The following ALDH4A1 variants were observed in gnomAD, a reference collection of about 807,000 sequenced individuals.
The protein encoded by ALDH4A1 is aldehyde dehydrogenase 4 family member A1.
ALDH4A1 carries 46 observed loss-of-function variants against 70.5 expected under a neutral mutation model. The observed-to-expected ratio is 0.65, with a 90% CI of 0.51 to 0.83. The LOEUF (loss-of-function observed/expected upper bound fraction) is 0.83. Among genes scored for constraint, ALDH4A1 ranks in the 40% least tolerant of loss-of-function variants. The pLI is 0.00. For synonymous variants in ALDH4A1, 323 were observed against 324.3 expected (o/e 1.00, Z 0.04); for missense variants, 749 against 766.5 (o/e 0.98, Z 0.27).
chr1:18,871,752 T>C lies in ALDH4A1; in HGVS notation c.*1093A>G, dbSNP rs1934446602. On this transcript the variant is annotated 3_prime_UTR_variant, in exon 15 of 15. Transcript: ENST00000375341. Reference sequence around the variant, plus strand: ...AGAACCATCCTTGAAAGTCATGCTTTACAGATCTCTGACCACTCAGAATCC... The same window carrying C: ...AGAACCATCCTTGAAAGTCATGCTTCACAGATCTCTGACCACTCAGAATCC... 2 of 152,212 alleles carry C rather than the reference T, an allele frequency of 1.3e-5. No homozygotes were observed. Among genetic ancestry groups the C allele is most frequent in the Admixed American group, 1.3e-4 (2 of 15,278 alleles). 9.4% of individuals were successfully genotyped at this position (152,212 alleles called of 1,614,324 possible). A position where few individuals can be genotyped will look rare whatever the true frequency, so the allele number is the denominator to read the frequency against.
At chr1:18,886,333 C>A in intron 4 of ALDH4A1, 131 bp downstream of exon 4, 1 of 1,021,206 alleles carries the variant, frequency 9.8e-7, no homozygotes, top group South Asian at 1.3e-5. Flanking sequence ...CACCCCCTGC[C>A]CACCTACCCA....
chr1:18,896,962 C>T (rs188629454), intron 1 of ALDH4A1: 1 of 438,670 alleles, frequency 2.3e-6, no homozygotes, highest in Admixed American at 2.4e-5. Flanking sequence ...CAGCAAACAT[C>T]AGGCAACATT....
intron 1 of ALDH4A1, among the ~76,000 whole-genome samples, chr1:18,892,582 C>A (rs868443931): frequency 2.1e-4 from 31 of 150,704 alleles, no homozygotes; most frequent in Non-Finnish European, 3.8e-4. Flanking sequence ...GAGGGGCCTG[C>A]GTGGTAGAGG....
Position 18,883,152 on chromosome 1 carries a change from C to A in ALDH4A1, c.650G>T (p.Gly217Val), listed in dbSNP as rs1444568269. Residue 217 changes from glycine to valine, a missense_variant, in exon 7 of 15, where the codon GGC (glycine) becomes GTC (valine). By Grantham distance (109) the Gly-to-Val change is moderately radical. Transcript: ENST00000375341. ...CAGGGCCGGTGCCCCCGCCAGGTTG[C>A]CGCCGATTGCAGTGAAGTTAAAGGG... is the stretch of plus-strand genomic sequence containing the variant. ...ISPFNFTAIGGNLAGAPALMG... is the reference protein window; with the variant it reads ...ISPFNFTAIGVNLAGAPALMG... 1 of 1,613,054 alleles carries A rather than the reference C, an allele frequency of 6.2e-7. No homozygotes were observed. Among genetic ancestry groups the A allele is most frequent in the Non-Finnish European group, 8.5e-7 (1 of 1,180,054 alleles).
chr1:18,885,427 T>TACCACCCCCCCCCCCCCCCCCC, intron 5 of ALDH4A1, 46 bp downstream of exon 5: 2 of 650,918 alleles, frequency 3.1e-6, no homozygotes, highest in Non-Finnish European at 5.4e-6. Context: ...CACACCTGAC[T>TACCACCCCCCCCCCCCCCCCCC]CCCACCCCAC....
In ALDH4A1 at chr1:18,881,838, T is replaced by G. The variant is rs1454017644; in HGVS notation, c.728A>C (p.Tyr243Ser). ...KPSDTAMLAS[Y>S]AVYRILREAG... Reference sequence around the variant, plus strand: ...CTCCCGAAGGATGCGGTAGACAGCATAGCTGGCCAGCATGGCAGTGTCACT... The same window carrying G: ...CTCCCGAAGGATGCGGTAGACAGCAGAGCTGGCCAGCATGGCAGTGTCACT... The change falls in exon 8 of 15, where the codon TAT becomes TCT. Residue 243 changes from tyrosine to serine, a missense_variant. By Grantham distance (144) the Tyr-to-Ser change is moderately radical. Transcript: ENST00000375341. 3 of 1,613,726 alleles carry G rather than the reference T, an allele frequency of 1.9e-6. No individual in the cohort carries two copies. Among genetic ancestry groups the G allele is most frequent in the Non-Finnish European group, 2.5e-6 (3 of 1,180,026 alleles).
At chr1:18,900,916 C>T (rs28501481) in intron 1 of ALDH4A1, 29,859 of 981,040 alleles carry the variant, frequency 0.03, 539 homozygotes, top group Middle Eastern at 0.061. Context: ...GCTTGATAAT[C>T]ATTATTGTTA....
Position 18,877,620 on chromosome 1 carries a change from G to T in ALDH4A1, c.941-8C>A. On this transcript the variant is annotated splice_polypyrimidine_tract_variant and splice_region_variant and intron_variant, in intron 9 of 14. Transcript: ENST00000375341. ...AGTTCTTTCCGCCGCACTCTACAGG[G>T]GTCGGGGGTGGGGAAATGACCAGAG... The T allele has an allele frequency of 1.4e-6, 1 of 721,506 alleles. No individual in the cohort carries two copies. The allele number at this position is 721,506 out of a possible 1,614,324, so 44.7% of individuals were successfully genotyped here.
rs146767266 is a variant in ALDH4A1, at chr1:18,877,476, C to A, written c.1077G>T (p.Ser359=). The change falls in exon 10 of 15, where the codon TCG becomes TCT. Residue 359 remains serine (S), a synonymous_variant. Coordinates refer to ENST00000375341, the MANE Select transcript of ALDH4A1 (RefSeq NM_003748.4). ...GCCGCCCTTTGATCTGCGGCCACAG[C>A]GAGTGCGGCACGTAGAGACGCGAGC... The part of the protein sequence containing the change: ...SACSRLYVPH[S]LWPQIKGRLL... 1 of 1,598,054 alleles carries A rather than the reference C, an allele frequency of 6.3e-7. No individual in the cohort carries two copies. Among genetic ancestry groups the A allele is most frequent in the Non-Finnish European group, 8.5e-7 (1 of 1,172,454 alleles).
chr1:18,885,430 CACCCCA>C, intron 5 of ALDH4A1, 37 bp downstream of exon 5: 1 of 578,342 alleles, frequency 1.7e-6, no homozygotes, highest in East Asian at 3.5e-5. Flanking sequence ...ACCTGACTCC[CACCCCA>C]CCCCGCCCCA....
In ALDH4A1 at chr1:18,874,277, A is replaced by T. The variant is rs117925591; in HGVS notation, c.1579+186T>A. On this transcript the variant is annotated intron_variant, in intron 14 of 14. Coordinates refer to ENST00000375341, the MANE Select transcript of ALDH4A1 (RefSeq NM_003748.4). ...TGAGCCTCAGTTTCCTCCTCTGTAA[A>T]ATGGGAAGAATAGTCCCTTTGCTCA... Among the ~76,000 whole-genome samples the T allele has an allele frequency of 2.0e-5, 3 of 152,342 alleles. No homozygotes were observed. In the East Asian group the frequency reaches 5.8e-4, roughly 29 times the overall value.
intron 7 of ALDH4A1, 82 bp downstream of exon 7, chr1:18,883,042 G>A (rs1217699225): frequency 6.3e-7 from 1 of 1,580,684 alleles, no homozygotes; most frequent in Admixed American, 1.7e-5. Context: ...TGAGACCCAA[G>A]GGGCTCAGGG....
At chr1:18,900,307 G>A (rs1302212924) in intron 1 of ALDH4A1, among the ~76,000 whole-genome samples, 1 of 152,236 alleles carries the variant, frequency 6.6e-6, no homozygotes, top group Admixed American at 6.5e-5. Flanking sequence ...ACTGAGGGAT[G>A]TCACTGAAAA....
At chr1:18,883,584 AG>A (rs1167424689) in intron 5 of ALDH4A1, among the ~76,000 whole-genome samples, 156 bp from the exon 6 acceptor site, 1 of 152,122 alleles carries the variant, frequency 6.6e-6, no homozygotes, top group Non-Finnish European at 1.5e-5. Flanking sequence ...CCAGGGGCTG[AG>A]GGGGAAAGGA....
At position 18,875,465 on chromosome 1, in the gene ALDH4A1, C is replaced by T. The variant is rs146222625; in HGVS notation, c.1377G>A (p.Pro459=). Residue 459 remains proline (P), a synonymous_variant, in exon 13 of 15, where the codon CCG becomes CCA. Transcript: ENST00000375341. The part of the protein sequence containing the change: ...FGPVLSVYVY[P]DDKYKETLQL... ...GCAGCGTCTCCTTGTACTTGTCATC[C>T]GGGTAGACGTACACAGACAGTACAG... 18 of 1,614,016 alleles carry T rather than the reference C, an allele frequency of 1.1e-5. No individual in the cohort carries two copies. The highest frequency in any genetic ancestry group is 3.3e-5 in the South Asian group (3 of 91,086).
rs572505352 is a variant in ALDH4A1 at position 18,883,157 on chromosome 1, G to A, written c.645C>T (p.Ile215=). ...CCGGTGCCCCCGCCAGGTTGCCGCC[G>A]ATTGCAGTGAAGTTAAAGGGCGAGA... ...AAISPFNFTA[I]GGNLAGAPAL... is the part of the protein sequence containing the mutation. Residue 215 remains isoleucine, a synonymous_variant, in exon 7 of 15, where the codon ATC becomes ATT. Coordinates refer to ENST00000375341, the MANE Select transcript of ALDH4A1 (RefSeq NM_003748.4). 79 of 1,613,162 alleles carry A rather than the reference G, an allele frequency of 4.9e-5. No individual in the cohort carries two copies. The highest frequency in any genetic ancestry group is 8.3e-5 in the Admixed American group (5 of 60,030).
At chr1:18,889,222 A>C in intron 3 of ALDH4A1, 140 bp downstream of exon 3, 1 of 752,942 alleles carries the variant, frequency 1.3e-6, no homozygotes, top group Admixed American at 2.1e-5. Context: ...ACTGGTCCAC[A>C]GAATTCAAAA....
In ALDH4A1 at chr1:18,883,282, C is replaced by T. The variant is rs1050325194; in HGVS notation, c.600G>A (p.Leu200=). Residue 200 remains leucine, a synonymous_variant, in exon 6 of 15, where the codon CTG becomes CTA. Transcript: ENST00000375341. ...GCCCACTGCCTCCTGCAGGTACCTC[C>T]AGACCCCGGTACACCGTGCTGTTGG... The part of the protein sequence containing the change: ...PSTNSTVYRG[L]EGFVAAISPF... The T allele has an allele frequency of 1.9e-5, 31 of 1,613,112 alleles. No individual in the cohort carries two copies. Among genetic ancestry groups the T allele is most frequent in the Non-Finnish European group, 2.5e-5 (29 of 1,180,028 alleles).
intron 14 of ALDH4A1, 93 bp from the exon 15 acceptor site, chr1:18,873,050 G>T: frequency 8.8e-7 from 1 of 1,139,040 alleles, no homozygotes; most frequent in Non-Finnish European, 1.3e-6. Context: ...CGGACCAGCA[G>T]TGTAGCGGCC....
Sources: allele counts gnomAD v4.1 joint callset (sites outside exome capture counted in the v4.1 genomes callset), GRCh38; gene constraint gnomAD v4.1.1; transcripts MANE v1.5; gene names NCBI Gene and HGNC (gene_info 2026-07-23, HGNC 2026-07-21).